Variants in AKAP19 observed in about 807,000 individuals in gnomAD.
The protein encoded by AKAP19 is A-kinase anchoring protein 19, also known as small A-kinase anchoring protein.
the AKAP19 span, among the ~76,000 whole-genome samples, chr2:190,153,105 T>C: frequency 1.6e-3 from 244 of 152,192 alleles, 1 homozygote; most frequent in Non-Finnish European, 2.0e-3. Flanking sequence ...CCGTGTTAGC[T>C]AGGATGGTCT....
At chr2:190,126,787 G>A in the AKAP19 span, among the ~76,000 whole-genome samples, 54 of 152,116 alleles carry the variant, frequency 3.5e-4, no homozygotes, top group Non-Finnish European at 6.8e-4. Flanking sequence ...ACAAAGTGAA[G>A]ATGGTTTTTA....
chr2:190,197,603 G>C, the AKAP19 span, among the ~76,000 whole-genome samples: 1 of 152,120 alleles, frequency 6.6e-6, no homozygotes, highest in Admixed American at 6.5e-5. The surrounding 1 kb of genome is among the most constrained non-coding windows in gnomAD (Gnocchi z 4.0). Flanking sequence ...CAACTCCCAC[G>C]GTAATGCTGG....
chr2:190,185,196 G>A, the AKAP19 span, among the ~76,000 whole-genome samples: 1 of 152,260 alleles, frequency 6.6e-6, no homozygotes, highest in South Asian at 2.1e-4. Context: ...CCTCCTACTT[G>A]TTCTAAAATG....
chr2:189,988,575 T>C, the AKAP19 span, among the ~76,000 whole-genome samples: 3 of 152,232 alleles, frequency 2.0e-5, no homozygotes, highest in Non-Finnish European at 4.4e-5. Flanking sequence ...AGAGAGAATC[T>C]TGCATCTTCT....
At chr2:189,984,820 G>T in the AKAP19 span, among the ~76,000 whole-genome samples, 1 of 152,164 alleles carries the variant, frequency 6.6e-6, no homozygotes, top group East Asian at 1.9e-4. Context: ...TCTGTTTGGG[G>T]TCCCTGACTT....
the AKAP19 span, among the ~76,000 whole-genome samples, chr2:189,949,508 GA>G: frequency 0.92 from 133,140 of 144,332 alleles, 61,254 homozygotes; most frequent in East Asian, 0.96. Flanking sequence ...CTCAAAAAAA[GA>G]AAAAAAAAAA....
At chr2:190,074,506 C>G in the AKAP19 span, among the ~76,000 whole-genome samples, 9 of 152,042 alleles carry the variant, frequency 5.9e-5, no homozygotes, top group Non-Finnish European at 1.3e-4. Flanking sequence ...CAAAAATTAG[C>G]TGGGCGTGGT....
the AKAP19 span, among the ~76,000 whole-genome samples, chr2:189,972,749 G>A: frequency 6.6e-6 from 1 of 152,186 alleles, no homozygotes; most frequent in Non-Finnish European, 1.5e-5. Context: ...AAGCAATTGT[G>A]AATGGGAGTT....
the AKAP19 span, among the ~76,000 whole-genome samples, chr2:189,992,074 G>T: frequency 4.2e-5 from 6 of 144,386 alleles, no homozygotes; most frequent in African/African-American, 1.5e-4. Context: ...TTTTGAGATG[G>T]AGTCCCACTT....
chr2:189,972,639 G>A, the AKAP19 span, among the ~76,000 whole-genome samples: 2 of 152,086 alleles, frequency 1.3e-5, no homozygotes, highest in Non-Finnish European at 2.9e-5. Flanking sequence ...CCATTTGTTT[G>A]TGTCCTCTTT....
At chr2:190,118,195 T>A in the AKAP19 span, among the ~76,000 whole-genome samples, 1 of 152,048 alleles carries the variant, frequency 6.6e-6, no homozygotes, top group Admixed American at 6.5e-5. Flanking sequence ...ACTAGACCAA[T>A]AACAGGCTCT....
At chr2:190,114,017 C>G in the AKAP19 span, among the ~76,000 whole-genome samples, 1 of 152,084 alleles carries the variant, frequency 6.6e-6, no homozygotes, top group Non-Finnish European at 1.5e-5. Flanking sequence ...GAAAGTTACT[C>G]TTATTTTACT....
the AKAP19 span, among the ~76,000 whole-genome samples, chr2:190,061,760 C>G: frequency 2.7e-5 from 4 of 150,796 alleles, no homozygotes; most frequent in Non-Finnish European, 5.9e-5. Flanking sequence ...TTTCAAATAA[C>G]AGAAATCACT....
At chr2:189,917,205 C>A in the AKAP19 span, 3 of 811,830 alleles carry the variant, frequency 3.7e-6, no homozygotes, top group South Asian at 2.1e-5. Context: ...AAACAAAATG[C>A]AGTGATCAAA....
chr2:189,923,772 A>G, the AKAP19 span: 5 of 1,613,230 alleles, frequency 3.1e-6, no homozygotes, highest in African/African-American at 5.3e-5. Context: ...TCGAAACGTC[A>G]GCGTGTATCA....
the AKAP19 span, among the ~76,000 whole-genome samples, chr2:190,032,778 A>G: frequency 1.1e-4 from 16 of 152,266 alleles, no homozygotes; most frequent in African/African-American, 3.9e-4. Flanking sequence ...CAAATTAGAT[A>G]AAACATTAAG....
chr2:189,927,725 A>T, the AKAP19 span, among the ~76,000 whole-genome samples: 2 of 152,228 alleles, frequency 1.3e-5, no homozygotes, highest in Non-Finnish European at 1.5e-5. Flanking sequence ...TCATCAAATC[A>T]GGAAATTAAC....
chr2:189,987,247 T>A, the AKAP19 span, among the ~76,000 whole-genome samples: 2 of 152,194 alleles, frequency 1.3e-5, no homozygotes, highest in African/African-American at 4.8e-5. Context: ...TTTCTGCTTT[T>A]ACTTCCTCAT....
At chr2:190,090,249 C>G in the AKAP19 span, among the ~76,000 whole-genome samples, 1 of 152,118 alleles carries the variant, frequency 6.6e-6, no homozygotes, top group Non-Finnish European at 1.5e-5. Flanking sequence ...CGAAGAAAGC[C>G]TTCTATACAC....
Sources: gnomAD v4.1 joint callset for allele counts (sites outside exome capture counted in the v4.1 genomes callset) on GRCh38, gnomAD v4.1.1 for gene constraint, Gnocchi (gnomAD v3.1) non-coding constraint, MANE v1.5 for transcripts, NCBI Gene and HGNC (gene_info 2026-07-23, HGNC 2026-07-21) for gene names.